Variants in ZBTB20 observed in about 807,000 individuals in gnomAD.
The protein encoded by ZBTB20 is zinc finger and BTB domain-containing protein 20.
In ZBTB20, 9 loss-of-function variants were observed where a neutral mutation model predicts 56.9. The observed-to-expected ratio is 0.16, with a 90% CI of 0.10 to 0.28. ZBTB20 has a LOEUF of 0.28. Among genes scored for constraint, ZBTB20 ranks in the 10% least tolerant of loss-of-function variants. The probability of loss-of-function intolerance (pLI) is 1.00; values close to 1 mark genes in which losing one functional copy is unlikely to be tolerated. For missense variants in ZBTB20, 655 were observed against 1,003.0 expected, an observed-to-expected ratio of 0.65 and a Z score of 4.69; for synonymous variants, 417 against 420.7, an observed-to-expected ratio of 0.99 and a Z score of 0.11.
At chr3:114,424,504 A>G (rs1317682319) in intron 7 of ZBTB20, among the ~76,000 whole-genome samples, 2 of 152,236 alleles carry the variant, frequency 1.3e-5, no homozygotes. Context: ...AAGGAGAAAT[A>G]GAAGTGCTGA....
chr3:114,603,926 G>A (rs1403981486), intron 6 of ZBTB20, among the ~76,000 whole-genome samples: 1 of 151,880 alleles, frequency 6.6e-6, no homozygotes, highest in African/African-American at 2.4e-5. Flanking sequence ...GGGTAAAAAG[G>A]TACTTTTATA....
intron 7 of ZBTB20, among the ~76,000 whole-genome samples, chr3:114,491,741 C>A (rs74840896): frequency 0.011 from 1,642 of 152,102 alleles, 27 homozygotes; most frequent in African/African-American, 0.032. Context: ...CATGCTTTTC[C>A]AACCTTCTTT....
rs115784700 is a variant in ZBTB20, at chr3:114,606,220, C to T, written c.-295+87308G>A. Among the ~76,000 whole-genome samples, 1,393 of 152,256 alleles carry T rather than the reference C, an allele frequency of 9.1e-3. 24 individuals carry two copies. The highest frequency in any genetic ancestry group is 8.5e-3 in the Non-Finnish European group (577 of 68,000). ...CTCTGGAAGCATGGTTCTTTCCCAT[C>T]AATGAATTCATTCAGTCCCTGTAAT... On this transcript the variant is annotated intron_variant, in intron 6 of 11. Transcript: ENST00000675478.
At chr3:114,433,849 ACTCAATG>A (rs2090311855) in intron 7 of ZBTB20, among the ~76,000 whole-genome samples, 1 of 152,168 alleles carries the variant, frequency 6.6e-6, no homozygotes. Context: ...TACTGAAATG[ACTCAATG>A]CACAGAAAGG....
chr3:115,086,317 T>C (rs2108557943), intron 1 of ZBTB20, among the ~76,000 whole-genome samples: 1 of 152,008 alleles, frequency 6.6e-6, no homozygotes, highest in African/African-American at 2.4e-5. Flanking sequence ...TAAATGCTTG[T>C]GAAAATGGTA....
intron 1 of ZBTB20, among the ~76,000 whole-genome samples, chr3:115,127,144 T>C (rs908185615): frequency 2.0e-5 from 3 of 152,218 alleles, no homozygotes; most frequent in Admixed American, 6.5e-5. Flanking sequence ...AAATCTATGT[T>C]ATCTATCTAG....
chr3:114,760,029 C>G (rs1006990313), intron 5 of ZBTB20, among the ~76,000 whole-genome samples: 3 of 151,990 alleles, frequency 2.0e-5, no homozygotes, highest in African/African-American at 7.2e-5. Context: ...ATATGTTTTT[C>G]AAAGATTAAA....
chr3:114,779,585 C>A (rs1416717296), intron 5 of ZBTB20, among the ~76,000 whole-genome samples: 1 of 152,056 alleles, frequency 6.6e-6, no homozygotes, highest in Non-Finnish European at 1.5e-5. Flanking sequence ...TTTTAAAAAT[C>A]CTACTACAAA....
At chr3:114,456,630 A>G (rs2092038399) in intron 7 of ZBTB20, among the ~76,000 whole-genome samples, 1 of 152,204 alleles carries the variant, frequency 6.6e-6, no homozygotes, top group Non-Finnish European at 1.5e-5. Flanking sequence ...AGGGGAAACT[A>G]TATTTTCCGC....
At chr3:115,065,566 C>T (rs2082177353) in intron 2 of ZBTB20, among the ~76,000 whole-genome samples, 1 of 152,126 alleles carries the variant, frequency 6.6e-6, no homozygotes, top group Non-Finnish European at 1.5e-5. Flanking sequence ...TAGGAAGGAA[C>T]ATGGAAAAAC....
At chr3:114,888,458 C>A (rs1317965354) in intron 4 of ZBTB20, among the ~76,000 whole-genome samples, 1 of 152,034 alleles carries the variant, frequency 6.6e-6, no homozygotes, top group Non-Finnish European at 1.5e-5. Flanking sequence ...TAATTAATAT[C>A]TTACAATGAT....
intron 6 of ZBTB20, among the ~76,000 whole-genome samples, chr3:114,530,048 C>A (rs1222786338): frequency 6.6e-6 from 1 of 152,186 alleles, no homozygotes; most frequent in Non-Finnish European, 1.5e-5. Flanking sequence ...TTCCTAATGC[C>A]TAGTGATGTC....
chr3:114,441,357 G>C (rs1576775121), intron 7 of ZBTB20, among the ~76,000 whole-genome samples: 1 of 152,100 alleles, frequency 6.6e-6, no homozygotes, highest in East Asian at 1.9e-4. Context: ...AAAATTATAA[G>C]TTTCAATTCT....
At chr3:114,802,226 T>C (rs1479199058) in intron 4 of ZBTB20, among the ~76,000 whole-genome samples, 1 of 151,950 alleles carries the variant, frequency 6.6e-6, no homozygotes, top group African/African-American at 2.4e-5. Flanking sequence ...AAATGTCATA[T>C]GTTTACATCC....
intron 6 of ZBTB20, among the ~76,000 whole-genome samples, chr3:114,652,606 A>T (rs1170746340): frequency 6.6e-6 from 1 of 152,044 alleles, no homozygotes; most frequent in Non-Finnish European, 1.5e-5. Flanking sequence ...ATATATTTAC[A>T]GAAAGTCTTG....
intron 6 of ZBTB20, among the ~76,000 whole-genome samples, chr3:114,570,744 G>A (rs1407894265): frequency 6.6e-6 from 1 of 152,098 alleles, no homozygotes; most frequent in African/African-American, 2.4e-5. Context: ...ATTACATATA[G>A]TACAATGAAA....
At chr3:114,935,702 T>C (rs2076509786) in intron 3 of ZBTB20, among the ~76,000 whole-genome samples, 1 of 152,210 alleles carries the variant, frequency 6.6e-6, no homozygotes, top group Admixed American at 6.5e-5. Context: ...TCAGTCTTTG[T>C]TCAGCTCCAT....
intron 4 of ZBTB20, among the ~76,000 whole-genome samples, chr3:114,830,992 C>A (rs2073807348): frequency 6.6e-6 from 1 of 151,556 alleles, no homozygotes; most frequent in African/African-American, 2.4e-5. Context: ...CCTGCAATTC[C>A]TACCTATTGG....
chr3:114,586,234 G>C (rs1381249574), intron 6 of ZBTB20, among the ~76,000 whole-genome samples: 6 of 152,198 alleles, frequency 3.9e-5, no homozygotes, highest in Non-Finnish European at 8.8e-5. Flanking sequence ...CTCTTGAGTT[G>C]TTTAGCTGGA....
Sources: gnomAD v4.1 joint callset for allele counts (sites outside exome capture counted in the v4.1 genomes callset) on GRCh38, gnomAD v4.1.1 for gene constraint, MANE v1.5 for transcripts, NCBI Gene and HGNC (gene_info 2026-07-23, HGNC 2026-07-21) for gene names.